The following SDK2 variants were observed in gnomAD, a reference collection of about 807,000 sequenced individuals.
SDK2 encodes the protein sidekick cell adhesion molecule 2, also known as protein sidekick-2.
SDK2 carries 105 observed loss-of-function variants against 253.9 expected under a neutral mutation model. That is an observed-to-expected ratio of 0.41 (90% CI 0.35 to 0.49). The LOEUF is 0.49. Ranked by LOEUF, SDK2 falls within the 20% of genes least tolerant of loss-of-function variation. The pLI, the probability that SDK2 is intolerant of heterozygous loss-of-function variation, is 0.06. For synonymous variants in SDK2, 1,249 were observed against 1,234.9 expected (o/e 1.01, Z -0.24); for missense variants, 2,608 against 3,003.0 (o/e 0.87, Z 3.07).
chr17:73,338,685 G>A lies in SDK2; in HGVS notation c.6421C>T (p.Pro2141Ser). The A allele has an allele frequency of 6.2e-7, 1 of 1,600,368 alleles. No homozygotes were observed. The highest frequency in any genetic ancestry group is 8.5e-7 in the Non-Finnish European group (1 of 1,172,972). ...GTGCTCTGCTGACTTGGGGGGTTAG[G>A]GGGGTTCTGGGGCGTTGGAGTCCGA... ...ASRTPTPQNP[P>S]NPPSQQSTLY... is the part of the protein sequence containing the mutation. The change falls in exon 45 of 45, where the codon CCT becomes TCT. Residue 2141 changes from proline (P) to serine (S), a missense_variant. Transcript: ENST00000392650. This position sits in a 1 kb window ranked among gnomAD's most constrained non-coding sequence, Gnocchi z 5.0.
intron 34 of SDK2, among the ~76,000 whole-genome samples, chr17:73,380,616 C>CGG (rs2062822308): frequency 6.6e-6 from 1 of 152,236 alleles, no homozygotes; most frequent in African/African-American, 2.4e-5. Context: ...TGCGGCCCCG[C>CGG]TGTCACTGTC....
chr17:73,404,554 A>G (rs1182178049), intron 18 of SDK2, among the ~76,000 whole-genome samples: 4 of 152,188 alleles, frequency 2.6e-5, no homozygotes, highest in Non-Finnish European at 5.9e-5. Flanking sequence ...ACTGAGGTTC[A>G]GGAAGGTTAA....
intron 2 of SDK2, among the ~76,000 whole-genome samples, chr17:73,503,678 A>G (rs1313045376): frequency 6.6e-6 from 1 of 152,096 alleles, no homozygotes; most frequent in East Asian, 1.9e-4. Context: ...AACAACTTTC[A>G]CCCTTCTTCC....
rs994289956 is a variant in SDK2, at chr17:73,534,387, G to A, written c.65-26790C>T. 6.6e-6 allele frequency among the ~76,000 whole-genome samples: 1 copy of A among 152,164 alleles called. No individual in the cohort carries two copies. Among genetic ancestry groups the A allele is most frequent in the Non-Finnish European group, 1.5e-5 (1 of 68,032 alleles). On this transcript the variant is annotated intron_variant, in intron 1 of 44. Transcript: ENST00000392650. The surrounding 1 kb of genome is among the most constrained non-coding windows in gnomAD (Gnocchi z 4.9). ...GGGCAAGGCAGGGACCAGGAAAAAAGCATTCCTGGGACAGAGGCAGTGCTA... is the reference window on the plus strand; with the variant it reads ...GGGCAAGGCAGGGACCAGGAAAAAAACATTCCTGGGACAGAGGCAGTGCTA...
rs62063642 is a variant in SDK2, at chr17:73,643,276, C to T, written c.64+749G>A. Among the ~76,000 whole-genome samples, 34,881 of 152,202 alleles carry T rather than the reference C, an allele frequency of 0.23. 4,293 individuals carry two copies. The highest frequency in any genetic ancestry group is 0.28 in the South Asian group (1,334 of 4,822). On this transcript the variant is annotated intron_variant, in intron 1 of 44. Transcript: ENST00000392650. This position sits in a 1 kb window ranked among gnomAD's most constrained non-coding sequence, Gnocchi z 6.9. ...GGCTGCTCCCGGCAGCCACAGGTCA[C>T]AGCAGCGAGCGGCTGCACAGACTAT... is the stretch of plus-strand genomic sequence containing the variant.
chr17:73,344,193 C>G (rs1165073036), intron 44 of SDK2, among the ~76,000 whole-genome samples: 2 of 152,156 alleles, frequency 1.3e-5, no homozygotes, highest in African/African-American at 4.8e-5. Flanking sequence ...GTTAAGATAG[C>G]TGGAAATCTC....
intron 1 of SDK2, chr17:73,517,365 G>C (rs1172527042): frequency 6.6e-6 from 1 of 152,126 alleles, no homozygotes; most frequent in Non-Finnish European, 1.5e-5. Flanking sequence ...GGTCACGCTG[G>C]AGTAGGATGG....
At chr17:73,422,221 G>A (rs899572963) in intron 15 of SDK2, 66 bp downstream of exon 15, 6 of 1,577,566 alleles carry the variant, frequency 3.8e-6, no homozygotes, top group Non-Finnish European at 4.3e-6. Flanking sequence ...TGCCACATCG[G>A]TTTCGGCTGC....
intron 3 of SDK2, among the ~76,000 whole-genome samples, chr17:73,468,175 C>T (rs759971719): frequency 3.3e-5 from 5 of 152,176 alleles, no homozygotes; most frequent in Non-Finnish European, 5.9e-5. Context: ...TGCCAGCCTG[C>T]TGCATTTTGC....
intron 44 of SDK2, among the ~76,000 whole-genome samples, chr17:73,341,909 G>A (rs1234557625): frequency 6.6e-6 from 1 of 152,100 alleles, no homozygotes; most frequent in African/African-American, 2.4e-5. Flanking sequence ...GAGCACCGAC[G>A]CTGCCTGGGT....
At chr17:73,368,738 G>A (rs1450480112) in intron 36 of SDK2, 145 bp from the exon 37 acceptor site, 28 of 681,962 alleles carry the variant, frequency 4.1e-5, no homozygotes, top group East Asian at 2.4e-4. Context: ...GGCCGGGTGC[G>A]GTGGCTCACA....
chr17:73,457,268 T>C (rs2063533410), intron 3 of SDK2, among the ~76,000 whole-genome samples: 5 of 51,546 alleles, frequency 9.7e-5, no homozygotes, highest in African/African-American at 3.1e-4. Flanking sequence ...CCTTCCTTCC[T>C]TCCTTCCTTC....
chr17:73,456,129 G>A (rs762870817), intron 3 of SDK2, 76 bp from the exon 4 acceptor site: 34 of 1,406,128 alleles, frequency 2.4e-5, no homozygotes, highest in Admixed American at 2.9e-5. Context: ...CAGGTTGGGA[G>A]TGGTGGCTAT....
intron 18 of SDK2, among the ~76,000 whole-genome samples, chr17:73,410,879 C>T (rs1255947308): frequency 6.6e-6 from 1 of 152,262 alleles, no homozygotes; most frequent in Non-Finnish European, 1.5e-5. Context: ...CCATGGGCCA[C>T]TGCCCTAATT....
chr17:73,622,978 G>A (rs190255723), intron 1 of SDK2, among the ~76,000 whole-genome samples: 4 of 152,264 alleles, frequency 2.6e-5, no homozygotes, highest in Admixed American at 6.5e-5. Flanking sequence ...TGTAGGCCTC[G>A]GCCAGCCCTT....
intron 1 of SDK2, among the ~76,000 whole-genome samples, chr17:73,623,738 T>C (rs1020459937): frequency 6.6e-6 from 1 of 152,142 alleles, no homozygotes; most frequent in African/African-American, 2.4e-5. Context: ...CGACTCTCTC[T>C]GCTTCTTCAC....
rs1015185429 is a variant in SDK2 at position 73,644,226 on chromosome 17, T to A, written c.-138A>T. ...CGGCTCCGTGCCCCGGGGTGTAATA[T>A]GCCCGGGAGGGGCAGCGCTTGGCTA... is the stretch of plus-strand genomic sequence containing the variant. On this transcript the variant is annotated 5_prime_UTR_variant, in exon 1 of 45. Coordinates refer to ENST00000392650, the MANE Select transcript of SDK2 (RefSeq NM_001144952.2). The surrounding 1 kb of genome is among the most constrained non-coding windows in gnomAD (Gnocchi z 6.3). The A allele has an allele frequency of 1.3e-5, 9 of 703,310 alleles. No homozygotes were observed. The highest frequency in any genetic ancestry group is 1.1e-4 in the African/African-American group (6 of 56,646). 43.6% of individuals were successfully genotyped at this position (703,310 alleles called of 1,614,324 possible).
intron 1 of SDK2, among the ~76,000 whole-genome samples, chr17:73,564,612 G>A (rs1179640647): frequency 1.3e-5 from 2 of 152,078 alleles, no homozygotes; most frequent in Non-Finnish European, 2.9e-5. Context: ...ATCACTTGAG[G>A]CCAGGAGTTT....
chr17:73,517,003 C>T (rs1370793916), intron 1 of SDK2: 7 of 152,194 alleles, frequency 4.6e-5, no homozygotes, highest in African/African-American at 1.7e-4. Context: ...GCCACCGAGC[C>T]CTCCTTGAGC....
Sources: gnomAD v4.1 joint callset for allele counts (sites outside exome capture counted in the v4.1 genomes callset) on GRCh38, gnomAD v4.1.1 for gene constraint, Gnocchi (gnomAD v3.1) non-coding constraint, MANE v1.5 for transcripts, NCBI Gene and HGNC (gene_info 2026-07-23, HGNC 2026-07-21) for gene names.